KIRREL3: variants seen among roughly 807,000 people sequenced by gnomAD.
KIRREL3 encodes kirre like nephrin family adhesion molecule 3, also known as kin of IRRE-like protein 3.
In KIRREL3, 36 loss-of-function variants were observed where a neutral mutation model predicts 89.7. The ratio of observed to expected loss-of-function variants is 0.40; its 90% CI spans 0.31 to 0.53. The LOEUF (loss-of-function observed/expected upper bound fraction) is 0.53, where lower values mean the gene tolerates loss of function less well. Among genes scored for constraint, KIRREL3 ranks in the 20% least tolerant of loss-of-function variants. KIRREL3 has a pLI of 0.49. For synonymous variants in KIRREL3, 445 were observed against 441.4 expected (o/e 1.01, Z -0.10); for missense variants, 864 against 1,056.6 (o/e 0.82, Z 2.53).
At chr11:126,514,121 G>C (rs1591659649) in intron 4 of KIRREL3, among the ~76,000 whole-genome samples, 2 of 152,270 alleles carry the variant, frequency 1.3e-5, no homozygotes, top group African/African-American at 4.8e-5. Context: ...TGGTGGCAGG[G>C]GTGGGGTGTG....
At position 126,520,700 on chromosome 11, in the gene KIRREL3, G is replaced by A. The variant is rs1015912959; in HGVS notation, c.433+615C>T. On this transcript the variant is annotated intron_variant, in intron 4 of 16. Transcript: ENST00000525144. This position sits in a 1 kb window ranked among gnomAD's most constrained non-coding sequence, Gnocchi z 4.9. ...GATGATCCAGGAACGCTGGGCTCCT[G>A]GGAACATAAGATGAAGAAAGATCAA... Among the ~76,000 whole-genome samples the A allele has an allele frequency of 1.3e-5, 2 of 152,116 alleles. No individual in the cohort carries two copies. Among genetic ancestry groups the A allele is most frequent in the Non-Finnish European group, 2.9e-5 (2 of 68,020 alleles).
At chr11:126,862,958 G>A (rs556019343) in intron 1 of KIRREL3, among the ~76,000 whole-genome samples, 117 of 152,320 alleles carry the variant, frequency 7.7e-4, no homozygotes, top group Admixed American at 2.7e-3. Flanking sequence ...CCTGCTCTGT[G>A]GTCATGACAG....
At chr11:126,941,270 A>C (rs1592422174) in intron 1 of KIRREL3, among the ~76,000 whole-genome samples, 1 of 149,816 alleles carries the variant, frequency 6.7e-6, no homozygotes, top group African/African-American at 2.5e-5. Context: ...CAAACAAAAA[A>C]CCCTCCATTG....
intron 1 of KIRREL3, among the ~76,000 whole-genome samples, chr11:126,878,144 T>C (rs1386408644): frequency 6.6e-6 from 1 of 152,226 alleles, no homozygotes; most frequent in Non-Finnish European, 1.5e-5. Context: ...CTCCAGGTAG[T>C]GTCAGCTTTT....
rs1339318896 is a variant in KIRREL3 at position 126,620,960 on chromosome 11, G to C, written c.56-58048C>G. On this transcript the variant is annotated intron_variant, in intron 1 of 16. Coordinates refer to ENST00000525144, the MANE Select transcript of KIRREL3 (RefSeq NM_032531.4). This position sits in a 1 kb window ranked among gnomAD's most constrained non-coding sequence, Gnocchi z 4.8. The stretch of plus-strand genomic sequence containing the variant: ...ATAGGTCTTTGGAACTGACCTGTGT[G>C]CCTGACTTGCAGACTTCTTAAGAGC... Among the ~76,000 whole-genome samples, 1 of 152,196 alleles carries C rather than the reference G, an allele frequency of 6.6e-6. No individual in the cohort carries two copies. The highest frequency in any genetic ancestry group is 1.9e-4 in the East Asian group (1 of 5,198).
intron 1 of KIRREL3, among the ~76,000 whole-genome samples, chr11:126,767,612 C>T (rs1179133472): frequency 6.6e-6 from 1 of 152,172 alleles, no homozygotes; most frequent in South Asian, 2.1e-4. Flanking sequence ...GCACCTTGCC[C>T]AGGGTTCAGG....
chr11:126,727,586 C>T (rs775785639), intron 1 of KIRREL3, among the ~76,000 whole-genome samples: 3 of 152,184 alleles, frequency 2.0e-5, no homozygotes, highest in Non-Finnish European at 2.9e-5. Flanking sequence ...CTACATGGCT[C>T]TCCTCCCAGC....
intron 1 of KIRREL3, among the ~76,000 whole-genome samples, chr11:126,701,650 C>T (rs1204729044): frequency 2.0e-5 from 3 of 152,014 alleles, no homozygotes; most frequent in Admixed American, 6.6e-5. Context: ...ACAGAGCTCC[C>T]TTCACCAGAG....
chr11:126,699,653 C>G (rs1029639156), intron 1 of KIRREL3, among the ~76,000 whole-genome samples: 2 of 152,026 alleles, frequency 1.3e-5, no homozygotes, highest in African/African-American at 2.4e-5. Flanking sequence ...TTCCAGCATA[C>G]TTCAGTTTGA....
intron 1 of KIRREL3, among the ~76,000 whole-genome samples, chr11:126,613,556 T>A (rs1306210389): frequency 6.6e-6 from 1 of 152,184 alleles, no homozygotes; most frequent in Non-Finnish European, 1.5e-5. Flanking sequence ...CCTGATAACC[T>A]TCATTTTTTC....
chr11:126,943,544 C>G lies in KIRREL3; in HGVS notation c.55+56911G>C, dbSNP rs1036747261. Among the ~76,000 whole-genome samples, 2 of 152,142 alleles carry G rather than the reference C, an allele frequency of 1.3e-5. No individual in the cohort carries two copies. Among genetic ancestry groups the G allele is most frequent in the Non-Finnish European group, 2.9e-5 (2 of 68,028 alleles). ...GCATGGGTGAAGGATGAGCCCAGGA[C>G]AAGATTAAATCAGCAGACTGAACGA... On this transcript the variant is annotated intron_variant, in intron 1 of 16. Coordinates refer to ENST00000525144, the MANE Select transcript of KIRREL3 (RefSeq NM_032531.4). The surrounding 1 kb of genome is among the most constrained non-coding windows in gnomAD (Gnocchi z 4.2).
Position 126,987,106 on chromosome 11 carries a change from C to T in KIRREL3, c.55+13349G>A, listed in dbSNP as rs566879261. 1.3e-5 allele frequency among the ~76,000 whole-genome samples: 2 copies of T among 152,298 alleles called. No homozygotes were observed. The highest frequency in any genetic ancestry group is 1.9e-4 in the East Asian group (1 of 5,182). ...AAGAACCACGGTGATAGAGAATCTACGAACTCAGATAACCCAGGAACCATA... is the reference window on the plus strand; with the variant it reads ...AAGAACCACGGTGATAGAGAATCTATGAACTCAGATAACCCAGGAACCATA... On this transcript the variant is annotated intron_variant, in intron 1 of 16. Transcript: ENST00000525144. This position sits in a 1 kb window ranked among gnomAD's most constrained non-coding sequence, Gnocchi z 4.6.
chr11:126,691,329 A>G (rs576577716), intron 1 of KIRREL3, among the ~76,000 whole-genome samples: 2 of 152,244 alleles, frequency 1.3e-5, no homozygotes, highest in Non-Finnish European at 2.9e-5. Flanking sequence ...GCAGACATGT[A>G]TGAGAACGGT....
intron 1 of KIRREL3, among the ~76,000 whole-genome samples, chr11:126,835,695 G>C (rs1019576907): frequency 6.6e-6 from 1 of 152,180 alleles, no homozygotes; most frequent in Non-Finnish European, 1.5e-5. Flanking sequence ...CTAGGAGATG[G>C]GTATTGAAGT....
chr11:126,956,085 A>G (rs1948914193), intron 1 of KIRREL3, among the ~76,000 whole-genome samples: 1 of 152,150 alleles, frequency 6.6e-6, no homozygotes, highest in African/African-American at 2.4e-5. Flanking sequence ...CAAGTCCTGC[A>G]TCCCATTCCT....
chr11:126,483,590 G>A (rs929002257), intron 4 of KIRREL3, among the ~76,000 whole-genome samples: 5 of 152,128 alleles, frequency 3.3e-5, no homozygotes, highest in African/African-American at 9.7e-5. Context: ...CTGGAAGCTC[G>A]GTCTGCTGCT....
chr11:126,880,585 T>C (rs1945458848), intron 1 of KIRREL3, among the ~76,000 whole-genome samples: 1 of 151,790 alleles, frequency 6.6e-6, no homozygotes, highest in Admixed American at 6.6e-5. Context: ...CTTTTCTTAA[T>C]GCAGAAACCA....
Position 126,818,431 on chromosome 11 carries a change from G to A in KIRREL3, c.55+182024C>T, listed in dbSNP as rs560242365. ...CCATTTACTAGTTGTGTGGCTTTAG[G>A]CACCTTCCGTAACCTCTCTGAGCCT... On this transcript the variant is annotated intron_variant, in intron 1 of 16. Coordinates refer to ENST00000525144, the MANE Select transcript of KIRREL3 (RefSeq NM_032531.4). Among the ~76,000 whole-genome samples the A allele has an allele frequency of 1.0e-3, 153 of 152,242 alleles. No individual in the cohort carries two copies. The Middle Eastern group carries it at 0.01, about 10-fold the overall frequency.
At chr11:126,884,688 A>G (rs1940004) in intron 1 of KIRREL3, among the ~76,000 whole-genome samples, 93,334 of 151,880 alleles carry the variant, frequency 0.61, 30,163 homozygotes, top group African/African-American at 0.82. Context: ...TAATCGATTC[A>G]TCAAATGACA....
Sources: gnomAD v4.1 joint callset for allele counts (sites outside exome capture counted in the v4.1 genomes callset) on GRCh38, gnomAD v4.1.1 for gene constraint, Gnocchi (gnomAD v3.1) non-coding constraint, MANE v1.5 for transcripts, NCBI Gene and HGNC (gene_info 2026-07-23, HGNC 2026-07-21) for gene names.